KIF1B: variants seen among roughly 807,000 people sequenced by gnomAD.
The protein encoded by KIF1B is kinesin family member 1B.
A neutral mutation model predicts 241.9 loss-of-function variants in KIF1B; 76 were observed. That is an observed-to-expected ratio of 0.31 (90% CI 0.26 to 0.38). The LOEUF (loss-of-function observed/expected upper bound fraction) is 0.38. Ranked by LOEUF, KIF1B falls within the 10% of genes least tolerant of loss-of-function variation. KIF1B has a pLI of 1.00. For missense variants in KIF1B, 1,622 were observed against 2,271.4 expected, an observed-to-expected ratio of 0.71 and a Z score of 5.81; for synonymous variants, 750 against 796.7, an observed-to-expected ratio of 0.94 and a Z score of 0.99.
At chr1:10,318,349 C>G (rs1043910886) in intron 22 of KIF1B, among the ~76,000 whole-genome samples, 1 of 151,502 alleles carries the variant, frequency 6.6e-6, no homozygotes, top group Non-Finnish European at 1.5e-5. Context: ...ACTTGGAGAG[C>G]TCTGTTTGGA....
At chr1:10,215,784 C>T (rs778750681) in intron 1 of KIF1B, among the ~76,000 whole-genome samples, 4 of 151,860 alleles carry the variant, frequency 2.6e-5, no homozygotes, top group Non-Finnish European at 5.9e-5. Context: ...AACTCCTGAG[C>T]TCAAGTGATC....
chr1:10,320,581 G>T (rs571719765), intron 23 of KIF1B, among the ~76,000 whole-genome samples: 1 of 152,232 alleles, frequency 6.6e-6, no homozygotes, highest in African/African-American at 2.4e-5. Context: ...AGTTGAGTTA[G>T]GGCTTTCATT....
intron 22 of KIF1B, chr1:10,307,038 T>C: frequency 1.9e-6 from 2 of 1,039,426 alleles, no homozygotes; most frequent in Non-Finnish European, 2.3e-6. Context: ...ATTGGGTTTA[T>C]ATTTGTGCTT....
chr1:10,354,710 T>A lies in KIF1B; in HGVS notation c.4055+1974T>A, dbSNP rs112226055. Among the ~76,000 whole-genome samples, 239 of 152,352 alleles carry A rather than the reference T, an allele frequency of 1.6e-3. 1 individual carries two copies. The highest frequency in any genetic ancestry group is 5.5e-3 in the African/African-American group (228 of 41,584). ...GGGACCAGATACTACTGACATTTGA[T>A]AAGCACTCAACTCTTCGGAGCGAAG... is the stretch of plus-strand genomic sequence containing the variant. On this transcript the variant is annotated intron_variant, in intron 38 of 48. Transcript: ENST00000676179.
At chr1:10,218,721 G>A (rs1169060134) in intron 1 of KIF1B, among the ~76,000 whole-genome samples, 1 of 152,054 alleles carries the variant, frequency 6.6e-6, no homozygotes, top group Non-Finnish European at 1.5e-5. Flanking sequence ...ATGCCCAGCC[G>A]ATCTTTATGT....
At chr1:10,278,202 A>C (rs980929783) in intron 13 of KIF1B, 74 bp downstream of exon 13, 4 of 1,463,354 alleles carry the variant, frequency 2.7e-6, no homozygotes, top group Admixed American at 3.4e-5. Flanking sequence ...TCTTATATTT[A>C]AAATAAACTT....
Position 10,352,677 on chromosome 1 carries a change from C to T in KIF1B, c.3996C>T (p.Ala1332=), listed in dbSNP as rs1480874408. The change falls in exon 38 of 49, where the codon GCC becomes GCT. Residue 1332 remains alanine (A), a synonymous_variant. Coordinates refer to ENST00000676179, the MANE Select transcript of KIF1B (RefSeq NM_001365951.3). ...KPEVDEAAVD[A]ILSLNIISAK... ...AGGTGGATGAAGCTGCAGTTGATGCCATCCTCTCCCTAAATATTATTTCTG... is the reference window on the plus strand; with the variant it reads ...AGGTGGATGAAGCTGCAGTTGATGCTATCCTCTCCCTAAATATTATTTCTG... 3.7e-6 allele frequency: 6 copies of T among 1,614,024 alleles called. No homozygotes were observed. The highest frequency in any genetic ancestry group is 1.1e-5 in the South Asian group (1 of 91,068).
intron 2 of KIF1B, among the ~76,000 whole-genome samples, chr1:10,237,109 T>C (rs913708882): frequency 1.3e-5 from 2 of 152,220 alleles, no homozygotes; most frequent in Non-Finnish European, 2.9e-5. Flanking sequence ...GAAGTAGCTA[T>C]TTTATTTAAG....
intron 10 of KIF1B, 89 bp downstream of exon 10, chr1:10,273,120 A>G: frequency 1.1e-6 from 1 of 937,038 alleles, no homozygotes; most frequent in South Asian, 1.7e-5. Context: ...GTAGGAATGG[A>G]ACCTTCAAAA....
chr1:10,381,331 C>G lies in KIF1B; in HGVS notation c.*4744C>G, dbSNP rs567308123. The G allele has an allele frequency of 4.4e-6, 1 of 226,642 alleles. No individual in the cohort carries two copies. The highest frequency in any genetic ancestry group is 1.8e-4 in the South Asian group (1 of 5,460). 14.0% of individuals were successfully genotyped at this position (226,642 alleles called of 1,614,324 possible). A position where few individuals can be genotyped will look rare whatever the true frequency, so the allele number is the denominator to read the frequency against. On this transcript the variant is annotated 3_prime_UTR_variant, in exon 49 of 49. Coordinates refer to ENST00000676179, the MANE Select transcript of KIF1B (RefSeq NM_001365951.3). ...GAACCAAGACTTTGCAAACTGATCT[C>G]TCCCCCGTGAAGGAGTTGAGCACAT...
intron 1 of KIF1B, among the ~76,000 whole-genome samples, chr1:10,225,937 T>C (rs566999981): frequency 9.4e-4 from 143 of 152,304 alleles, no homozygotes; most frequent in African/African-American, 3.2e-3. Flanking sequence ...GGCAATATTA[T>C]GTGGTACAGA....
rs149619830 is a variant in KIF1B, at chr1:10,254,960, T to A, written c.107-1287T>A. Among the ~76,000 whole-genome samples, 3 of 152,134 alleles carry A rather than the reference T, an allele frequency of 2.0e-5. 1 individual carries two copies. The highest frequency in any genetic ancestry group is 7.2e-5 in the African/African-American group (3 of 41,502). ...ACTTTCTAATTTTCATTTCTCTTTT[T>A]TTTCTTGAGATGAAGTCTTACTCTG... On this transcript the variant is annotated intron_variant, in intron 2 of 48. Transcript: ENST00000676179.
intron 1 of KIF1B, among the ~76,000 whole-genome samples, chr1:10,221,760 A>G (rs1163028566): frequency 1.3e-5 from 2 of 152,216 alleles, no homozygotes; most frequent in Non-Finnish European, 2.9e-5. Context: ...AAAATGTTAT[A>G]TTTTAAATAG....
At chr1:10,308,186 C>T (rs1361299177) in intron 22 of KIF1B, 11 of 1,061,716 alleles carry the variant, frequency 1.0e-5, no homozygotes, top group African/African-American at 9.9e-5. Context: ...GACTGGGAGG[C>T]GGGGATGCTG....
intron 10 of KIF1B, among the ~76,000 whole-genome samples, chr1:10,274,347 A>T (rs1195086840): frequency 6.6e-6 from 1 of 151,940 alleles, no homozygotes; most frequent in Non-Finnish European, 1.5e-5. Context: ...AGAGAATATA[A>T]TTTTTTTTCA....
chr1:10,319,157 A>G (rs1651421493), intron 22 of KIF1B, among the ~76,000 whole-genome samples: 1 of 145,664 alleles, frequency 6.9e-6, no homozygotes, highest in African/African-American at 2.6e-5. Context: ...GCTGGAGTGC[A>G]GTGGCGCGAT....
Position 10,272,147 on chromosome 1 carries a change from A to G in KIF1B, c.799-94A>G, listed in dbSNP as rs1021179468. On this transcript the variant is annotated intron_variant, in intron 8 of 48. Transcript: ENST00000676179. ...TTTTTAGAACTTGTAATAAAGAAAT[A>G]TGCTAGCATATGGCAAATCATATTT... 1.5e-5 allele frequency: 13 copies of G among 848,958 alleles called. No homozygotes were observed. The Admixed American group carries it at 1.6e-4, about 10-fold the overall frequency. The allele number at this position is 848,958 out of a possible 1,614,324, so 52.6% of individuals were successfully genotyped here.
At chr1:10,335,347 G>A (rs1569850324) in intron 28 of KIF1B, among the ~76,000 whole-genome samples, 1 of 152,098 alleles carries the variant, frequency 6.6e-6, no homozygotes, top group African/African-American at 2.4e-5. Flanking sequence ...CTGCTTCCTG[G>A]GTTCAAGCGA....
intron 27 of KIF1B, among the ~76,000 whole-genome samples, chr1:10,327,275 G>A (rs1229080414): frequency 3.3e-5 from 5 of 152,034 alleles, no homozygotes; most frequent in Admixed American, 6.6e-5. Context: ...CAAGGCGGCC[G>A]GGTCACCTGA....
Sources: allele counts gnomAD v4.1 joint callset (sites outside exome capture counted in the v4.1 genomes callset), GRCh38; gene constraint gnomAD v4.1.1; transcripts MANE v1.5; gene names NCBI Gene and HGNC (gene_info 2026-07-23, HGNC 2026-07-21).